AOX1: variants seen among roughly 807,000 people sequenced by gnomAD.
AOX1 encodes the protein aldehyde oxidase 1, also known as aldehyde oxidase.
Under a neutral mutation model 169.5 loss-of-function variants are expected in AOX1, and 153 were observed. The ratio of observed to expected loss-of-function variants is 0.90; its 90% CI spans 0.79 to 1.03. AOX1 has a LOEUF of 1.03. Among genes scored for constraint, AOX1 ranks in the 50% least tolerant of loss-of-function variants. The probability of loss-of-function intolerance (pLI) is 0.00; values close to 1 mark genes in which losing one functional copy is unlikely to be tolerated. For missense variants in AOX1, 1,656 were observed against 1,663.9 expected, an observed-to-expected ratio of 1.00 and a Z score of 0.08; for synonymous variants, 562 against 581.9, an observed-to-expected ratio of 0.97 and a Z score of 0.49.
intron 5 of AOX1, among the ~76,000 whole-genome samples, 188 bp downstream of exon 5, chr2:200,599,934 T>C (rs760316398): frequency 3.3e-5 from 5 of 152,084 alleles, no homozygotes; most frequent in Non-Finnish European, 7.4e-5. Flanking sequence ...TTTTAAACGA[T>C]GATGATGATA....
At chr2:200,617,333 G>T (rs756100364) in intron 16 of AOX1, among the ~76,000 whole-genome samples, 1 of 151,972 alleles carries the variant, frequency 6.6e-6, no homozygotes, top group Non-Finnish European at 1.5e-5. Flanking sequence ...CAGTTCATTT[G>T]CTTTGAAAAT....
In AOX1 at chr2:200,634,853, C is replaced by T; in HGVS notation, c.2284C>T (p.Pro762Ser). Residue 762 changes from proline to serine, a missense_variant, in exon 21 of 35, where the codon CCC (proline) becomes TCC (serine). Coordinates refer to ENST00000374700, the MANE Select transcript of AOX1 (RefSeq NM_001159.4). ...YMETQSMLVV[P>S]KGEDQEMDVY... ...GGAAACCCAAAGCATGCTTGTCGTT[C>T]CCAAGGGAGAGGATCAAGAAATGGA... 6.2e-7 allele frequency: 1 copy of T among 1,614,014 alleles called. No homozygotes were observed. Among genetic ancestry groups the T allele is most frequent in the Non-Finnish European group, 8.5e-7 (1 of 1,179,940 alleles).
At chr2:200,663,885 A>G (rs1221811527) in intron 31 of AOX1, among the ~76,000 whole-genome samples, 1 of 152,212 alleles carries the variant, frequency 6.6e-6, no homozygotes, top group Non-Finnish European at 1.5e-5. Context: ...TTTTCATTTA[A>G]TAAGTCTCCA....
chr2:200,668,107 A>T (rs1038790438), intron 32 of AOX1, among the ~76,000 whole-genome samples: 5 of 145,972 alleles, frequency 3.4e-5, no homozygotes, highest in East Asian at 2.0e-4. Context: ...TATTATTATT[A>T]TTATTTTTTT....
chr2:200,609,146 G>A lies in AOX1; in HGVS notation c.1059+11G>A. Reference sequence around the variant, plus strand: ...ATCAGGAACATGGCTGTATGTATCTGATGACAGTAAACTCTGGTATGCATC... The same window carrying A: ...ATCAGGAACATGGCTGTATGTATCTAATGACAGTAAACTCTGGTATGCATC... On this transcript the variant is annotated intron_variant, in intron 11 of 34. Coordinates refer to ENST00000374700, the MANE Select transcript of AOX1 (RefSeq NM_001159.4). 1 of 1,613,560 alleles carries A rather than the reference G, an allele frequency of 6.2e-7. No homozygotes were observed. The highest frequency in any genetic ancestry group is 1.3e-5 in the African/African-American group (1 of 75,032).
intron 32 of AOX1, 100 bp from the exon 33 acceptor site, chr2:200,668,513 CTG>C (rs1475425216): frequency 9.3e-7 from 1 of 1,069,836 alleles, no homozygotes; most frequent in East Asian, 2.5e-5. Context: ...TGCTCTTAAA[CTG>C]TAATTTTAAA....
rs756091497 is a variant in AOX1 at position 200,604,799 on chromosome 2, A to G, written c.773A>G (p.Lys258Arg). 5.0e-6 allele frequency: 8 copies of G among 1,607,096 alleles called. No individual in the cohort carries two copies. The highest frequency in any genetic ancestry group is 6.8e-6 in the Non-Finnish European group (8 of 1,175,636). ...TLKELLEFKF[K>R]YPQAPVIMGN... is the part of the protein sequence containing the mutation. The stretch of plus-strand genomic sequence containing the variant: ...AAGGAACTGCTGGAATTTAAATTCA[A>G]GTATCCCCAGGCTCCTGTTATCATG... Residue 258 changes from lysine to arginine, a missense_variant, in exon 9 of 35, where the codon AAG becomes AGG. Physicochemically the swap from Lys to Arg is conservative, Grantham distance 26 (BLOSUM62 2). Transcript: ENST00000374700.
chr2:200,609,787 G>A (rs763101574), intron 12 of AOX1, among the ~76,000 whole-genome samples: 2 of 152,166 alleles, frequency 1.3e-5, no homozygotes, highest in Admixed American at 6.5e-5. Context: ...CACCCACATC[G>A]TGCTTTGAGC....
intron 20 of AOX1, among the ~76,000 whole-genome samples, chr2:200,633,883 G>A (rs2035176578): frequency 6.6e-6 from 1 of 152,164 alleles, no homozygotes; most frequent in Admixed American, 6.5e-5. Context: ...TGATGGAGAA[G>A]AAGGGGGTGA....
intron 25 of AOX1, among the ~76,000 whole-genome samples, chr2:200,646,121 T>A (rs1434342590): frequency 1.3e-5 from 2 of 152,174 alleles, no homozygotes; most frequent in African/African-American, 4.8e-5. Flanking sequence ...GGTTTGCTCT[T>A]ATTTCTTTAG....
intron 3 of AOX1, 24 bp from the exon 4 acceptor site, chr2:200,597,373 G>T (rs1256286101): frequency 1.9e-6 from 3 of 1,548,034 alleles, no homozygotes; most frequent in Non-Finnish European, 1.8e-6. Context: ...TTTGTAATTT[G>T]TGCTTTTCTT....
At chr2:200,588,245 G>A (rs2034079234) in intron 1 of AOX1, 1 of 152,538 alleles carries the variant, frequency 6.6e-6, no homozygotes, top group South Asian at 2.1e-4. Context: ...CCAGGCAGTG[G>A]GAATGGCAGG....
intron 32 of AOX1, among the ~76,000 whole-genome samples, chr2:200,668,183 G>T (rs113692662): frequency 6.6e-6 from 1 of 150,988 alleles, no homozygotes; most frequent in Non-Finnish European, 1.5e-5. Flanking sequence ...TCAGCTCACC[G>T]CAACCTCCGC....
chr2:200,667,425 G>T (rs1423514061), intron 32 of AOX1, among the ~76,000 whole-genome samples: 2 of 151,820 alleles, frequency 1.3e-5, no homozygotes, highest in African/African-American at 4.8e-5. Flanking sequence ...CTGATTTAGG[G>T]CACCATCTTG....
At position 200,641,222 on chromosome 2, in the gene AOX1, G is replaced by A. The variant is rs375881355; in HGVS notation, c.2655+38G>A. 2.2e-6 allele frequency: 3 copies of A among 1,367,142 alleles called. No individual in the cohort carries two copies. In the African/African-American group the frequency reaches 4.3e-5, roughly 20 times the overall value. 84.7% of individuals were successfully genotyped at this position (1,367,142 alleles called of 1,614,324 possible). ...AGGAGCAAGTTCACATTCCTGAAAA[G>A]AGTGTTACATAAAATAATTTAACTT... is the stretch of plus-strand genomic sequence containing the variant. On this transcript the variant is annotated intron_variant, in intron 24 of 34. Transcript: ENST00000374700.
intron 27 of AOX1, among the ~76,000 whole-genome samples, chr2:200,658,175 T>C (rs1481375698): frequency 1.3e-5 from 2 of 152,256 alleles, no homozygotes; most frequent in Non-Finnish European, 2.9e-5. Context: ...GTGACCATTT[T>C]AAATTGTTTG....
chr2:200,613,862 C>G lies in AOX1; in HGVS notation c.1507C>G (p.Leu503Val), dbSNP rs201421164. 420 of 1,612,700 alleles carry G rather than the reference C, an allele frequency of 2.6e-4. No individual in the cohort carries two copies. The highest frequency in any genetic ancestry group is 3.3e-4 in the Non-Finnish European group (394 of 1,179,954). The change falls in exon 15 of 35, where the codon CTT (leucine) becomes GTT (valine). Residue 503 changes from leucine (L) to valine (V), a missense_variant. Transcript: ENST00000374700. Reference protein sequence around the residue: ...ACRLILNEVSLLGSAPGGKVE... With the variant: ...ACRLILNEVSVLGSAPGGKVE... Reference sequence around the variant, plus strand: ...CAGGCTTATTCTGAATGAAGTCTCCCTTTTGGGCTCGGCGCCAGGTGGGAA... The same window carrying G: ...CAGGCTTATTCTGAATGAAGTCTCCGTTTTGGGCTCGGCGCCAGGTGGGAA...
chr2:200,661,658 A>G (rs974057754), intron 30 of AOX1, 27 bp downstream of exon 30: 27 of 1,567,008 alleles, frequency 1.7e-5, no homozygotes, highest in Non-Finnish European at 2.1e-5. Flanking sequence ...ATCACATGCT[A>G]TGGAGAAGAA....
chr2:200,656,692 C>T lies in AOX1; in HGVS notation c.3076-150C>T. 4.6e-6 allele frequency: 2 copies of T among 438,610 alleles called. 1 individual carries two copies. The highest frequency in any genetic ancestry group is 1.3e-4 in the South Asian group (2 of 15,192). 27.2% of individuals were successfully genotyped at this position (438,610 alleles called of 1,614,324 possible). On this transcript the variant is annotated intron_variant, in intron 26 of 34. Transcript: ENST00000374700. ...AAATAGAGTCCCCGCCCTGGTTTCC[C>T]CCACCCCAAAAAGAAACCTAAAATG...
Sources: gnomAD v4.1 joint callset for allele counts (sites outside exome capture counted in the v4.1 genomes callset) on GRCh38, gnomAD v4.1.1 for gene constraint, MANE v1.5 for transcripts, NCBI Gene and HGNC (gene_info 2026-07-23, HGNC 2026-07-21) for gene names.